The following DAB2IP variants were observed in gnomAD, a reference collection of about 807,000 sequenced individuals.
DAB2IP encodes DAB2 interacting protein.
A neutral mutation model predicts 107.2 loss-of-function variants in DAB2IP; 28 were observed. That is an observed-to-expected ratio of 0.26 (90% CI 0.19 to 0.36). The LOEUF is 0.36. DAB2IP is among the 10% of genes least tolerant of loss of function. DAB2IP has a pLI of 1.00. For missense variants in DAB2IP, 1,400 were observed against 1,644.7 expected, an observed-to-expected ratio of 0.85 and a Z score of 2.57; for synonymous variants, 755 against 706.4, an observed-to-expected ratio of 1.07 and a Z score of -1.09.
At chr9:121,682,372 C>G (rs964530966) in intron 2 of DAB2IP, among the ~76,000 whole-genome samples, 2 of 152,222 alleles carry the variant, frequency 1.3e-5, no homozygotes, top group African/African-American at 2.4e-5. Context: ...TACAGGGGTG[C>G]TCCGCAGGGA....
At chr9:121,658,992 G>A (rs1305525500) in intron 1 of DAB2IP, among the ~76,000 whole-genome samples, 1 of 152,150 alleles carries the variant, frequency 6.6e-6, no homozygotes. Context: ...GAGTACTATC[G>A]GCATCTGGGC....
intron 1 of DAB2IP, among the ~76,000 whole-genome samples, chr9:121,581,087 G>A (rs1830185279): frequency 6.6e-6 from 1 of 152,190 alleles, no homozygotes; most frequent in African/African-American, 2.4e-5. Context: ...TTCAGGCAGG[G>A]GAGGAACAGG....
chr9:121,631,437 G>A (rs965124047), intron 1 of DAB2IP, among the ~76,000 whole-genome samples: 2 of 151,912 alleles, frequency 1.3e-5, no homozygotes, highest in Non-Finnish European at 2.9e-5. Flanking sequence ...GCTGGGGCAT[G>A]AGTGGTGCCC....
chr9:121,762,858 C>T (rs190624458), intron 6 of DAB2IP, among the ~76,000 whole-genome samples: 1 of 152,314 alleles, frequency 6.6e-6, no homozygotes, highest in East Asian at 1.9e-4. Flanking sequence ...GGTTTTCCCA[C>T]AACACTGTGT....
Position 121,721,566 on chromosome 9 carries a change from ATGGCAC to A in DAB2IP, c.362+22112_362+22117del, listed in dbSNP as rs554379496. ...TAAGGGGGGCAGCAGCCCCTGCACC[ATGGCAC>A]TGGGCATTTGGTGGCAGGCCTTTGG... On this transcript the variant is annotated intron_variant, in intron 3 of 15. Transcript: ENST00000408936. Among the ~76,000 whole-genome samples, 358 of 152,332 alleles carry A rather than the reference ATGGCAC, an allele frequency of 2.4e-3. 3 individuals are homozygous for A. Among genetic ancestry groups the A allele is most frequent in the South Asian group, 3.9e-3 (19 of 4,822 alleles).
chr9:121,641,936 TCTCTCTTTCTTTC>T lies in DAB2IP; in HGVS notation c.41-36739_41-36727del, dbSNP rs1482152275. On this transcript the variant is annotated intron_variant, in intron 1 of 16. Coordinates refer to the DAB2IP transcript ENST00000259371. ...TTCTTTCTTTCTTTCTTTCTTTCTT[TCTCTCTTTCTTTC>T]CTTTCTTTCTTTCTCTCTCTCTCTT... 8.8e-3 allele frequency among the ~76,000 whole-genome samples: 1,125 copies of T among 127,122 alleles called. 36 individuals carry two copies. The highest frequency in any genetic ancestry group is 0.027 in the African/African-American group (770 of 28,188). 83.4% of individuals were successfully genotyped at this position (127,122 alleles called of 152,430 possible).
intron 1 of DAB2IP, among the ~76,000 whole-genome samples, chr9:121,666,425 T>C (rs1833427162): frequency 1.3e-5 from 2 of 152,212 alleles, no homozygotes; most frequent in East Asian, 3.9e-4. Context: ...TTTAGTAACC[T>C]CCAAGCAACA....
chr9:121,635,346 A>G lies in DAB2IP; in HGVS notation c.41-43332A>G, dbSNP rs944372890. On this transcript the variant is annotated intron_variant, in intron 1 of 16. Coordinates refer to the DAB2IP transcript ENST00000259371. The surrounding 1 kb of genome is among the most constrained non-coding windows in gnomAD (Gnocchi z 4.3). The stretch of plus-strand genomic sequence containing the variant: ...TCTCCAACATCTTGTGAGGAAGTTA[A>G]TTCCATCCTTATTTTACCACCAGGA... 3.9e-5 allele frequency among the ~76,000 whole-genome samples: 6 copies of G among 152,228 alleles called. No individual in the cohort carries two copies. Among genetic ancestry groups the G allele is most frequent in the Non-Finnish European group, 5.9e-5 (4 of 68,038 alleles).
chr9:121,759,844 G>A (rs765572091), intron 5 of DAB2IP, 41 bp from the exon 6 acceptor site: 18 of 1,554,968 alleles, frequency 1.2e-5, no homozygotes, highest in Non-Finnish European at 1.5e-5. Flanking sequence ...GTTGCACGTG[G>A]CACCCCCAGC....
At chr9:121,688,130 G>T (rs530084010) in intron 2 of DAB2IP, among the ~76,000 whole-genome samples, 1 of 152,276 alleles carries the variant, frequency 6.6e-6, no homozygotes, top group South Asian at 2.1e-4. Context: ...CCTGGGAGGT[G>T]GGGGAGCCTG....
At chr9:121,589,912 C>T (rs1446194568) in intron 1 of DAB2IP, among the ~76,000 whole-genome samples, 5 of 132,540 alleles carry the variant, frequency 3.8e-5, no homozygotes, top group Non-Finnish European at 8.2e-5. Context: ...TCTGCCCAGT[C>T]CTGCTCCCTT....
At chr9:121,650,323 T>C (rs1832693990), upstream of DAB2IP, among the ~76,000 whole-genome samples, 1 of 152,186 alleles carries the variant, frequency 6.6e-6, no homozygotes. Context: ...GGCTTCCAGC[T>C]GTGAGACAGG....
intron 1 of DAB2IP, among the ~76,000 whole-genome samples, chr9:121,639,008 A>C (rs1212320475): frequency 6.6e-6 from 1 of 152,052 alleles, no homozygotes; most frequent in African/African-American, 2.4e-5. Context: ...GTGTGGTAAG[A>C]GGGAAGATAG....
At chr9:121,571,062 C>G (rs150999696) in intron 1 of DAB2IP, among the ~76,000 whole-genome samples, 31 of 152,184 alleles carry the variant, frequency 2.0e-4, no homozygotes, top group Admixed American at 7.2e-4. Flanking sequence ...CTGTCTCCCC[C>G]CAGGGCCTTT....
At chr9:121,683,567 G>A (rs1828705768) in intron 2 of DAB2IP, among the ~76,000 whole-genome samples, 1 of 152,194 alleles carries the variant, frequency 6.6e-6, no homozygotes, top group Non-Finnish European at 1.5e-5. Flanking sequence ...GCGAGATGGA[G>A]AAGGAGAAGT....
chr9:121,784,925 C>T (rs1180616485), exon 16 of DAB2IP: 2 of 152,662 alleles, frequency 1.3e-5, no homozygotes, highest in African/African-American at 4.8e-5. Context: ...TGGGCCCTGC[C>T]TGCAGCCAGG....
Position 121,681,262 on chromosome 9 carries a change from C to A in DAB2IP, c.228+2481C>A, listed in dbSNP as rs138391609. ...AGGAGGCGGATCCATTGCCCCACAC[C>A]CCCCCAGAACCCCATCAGCATCGCT... On this transcript the variant is annotated intron_variant, in intron 2 of 15. Transcript: ENST00000408936. 3.5e-4 allele frequency among the ~76,000 whole-genome samples: 53 copies of A among 152,294 alleles called. 1 individual carries two copies. In the East Asian group the frequency reaches 9.6e-3, roughly 28 times the overall value.
chr9:121,744,664 A>AT (rs1832599105), intron 3 of DAB2IP, among the ~76,000 whole-genome samples: 1 of 152,216 alleles, frequency 6.6e-6, no homozygotes, highest in South Asian at 2.1e-4. Flanking sequence ...AACCTGAGGC[A>AT]TTGACGGGCA....
intron 12 of DAB2IP, 79 bp from the exon 13 acceptor site, chr9:121,774,181 T>C: frequency 7.0e-7 from 1 of 1,421,968 alleles, no homozygotes. Context: ...CTTGTCCTTG[T>C]GGCTCACCTG....
Sources: allele counts gnomAD v4.1 joint callset (sites outside exome capture counted in the v4.1 genomes callset), GRCh38; gene constraint gnomAD v4.1.1; non-coding constraint Gnocchi (gnomAD v3.1); transcripts MANE v1.5; gene names NCBI Gene and HGNC (gene_info 2026-07-23, HGNC 2026-07-21).